Variants in VEPH1 observed in about 807,000 individuals in gnomAD.
VEPH1 encodes ventricular zone expressed PH domain containing 1, also known as ventricular zone-expressed PH domain-containing protein homolog 1.
A neutral mutation model predicts 85.2 loss-of-function variants in VEPH1; 80 were observed. That is an observed-to-expected ratio of 0.94 (90% confidence interval 0.78 to 1.13). VEPH1 has a LOEUF of 1.13. Ranked by LOEUF, VEPH1 falls within the 50% of genes most tolerant of loss-of-function variation. The pLI is 0.00. For synonymous variants in VEPH1, 297 were observed against 348.0 expected, an observed-to-expected ratio of 0.85 and a Z score of 1.63; for missense variants, 955 against 980.5, an observed-to-expected ratio of 0.97 and a Z score of 0.35.
At chr3:157,480,401 C>T (rs1001294658) in intron 2 of VEPH1, among the ~76,000 whole-genome samples, 7 of 152,052 alleles carry the variant, frequency 4.6e-5, no homozygotes, top group African/African-American at 1.2e-4. Context: ...TATGCTGTCA[C>T]CCAGCTAGTG....
intron 2 of VEPH1, among the ~76,000 whole-genome samples, chr3:157,471,440 G>C (rs1044815942): frequency 1.3e-5 from 2 of 152,142 alleles, no homozygotes; most frequent in African/African-American, 4.8e-5. Context: ...CTCAAAATAG[G>C]TACTGTTGAA....
intron 5 of VEPH1, among the ~76,000 whole-genome samples, chr3:157,422,710 A>C (rs540359275): frequency 2.8e-4 from 43 of 152,234 alleles, no homozygotes; most frequent in Non-Finnish European, 4.9e-4. Context: ...TCTGGAATAC[A>C]TTCCCCATCT....
intron 12 of VEPH1, chr3:157,286,264 A>T: frequency 3.1e-6 from 1 of 321,478 alleles, no homozygotes; most frequent in East Asian, 7.0e-5. Flanking sequence ...TTTCTCTCTA[A>T]CCCTCAGGGT....
chr3:157,486,025 A>G (rs73013618), intron 2 of VEPH1, among the ~76,000 whole-genome samples: 249 of 152,330 alleles, frequency 1.6e-3, no homozygotes, highest in African/African-American at 5.7e-3. Flanking sequence ...AATGTAAAAC[A>G]TATCTGTTAG....
Position 157,452,754 on chromosome 3 carries a change from A to G in VEPH1, c.529+7427T>C, listed in dbSNP as rs943573955. On this transcript the variant is annotated intron_variant, in intron 4 of 13. Coordinates refer to ENST00000362010, the MANE Select transcript of VEPH1 (RefSeq NM_001167912.2). The stretch of plus-strand genomic sequence containing the variant: ...ATTACACTGTGAAAGTAGACTTTAC[A>G]GTGAAATGGTCAGGGTTTGAATCTT... Among the ~76,000 whole-genome samples the G allele has an allele frequency of 3.3e-5, 5 of 152,364 alleles. No individual in the cohort carries two copies. The South Asian group carries it at 1.0e-3, about 32-fold the overall frequency.
intron 11 of VEPH1, among the ~76,000 whole-genome samples, chr3:157,296,778 A>T (rs1468644668): frequency 6.6e-6 from 1 of 152,230 alleles, no homozygotes; most frequent in Non-Finnish European, 1.5e-5. Context: ...TTGGAGTCAG[A>T]AGATCAGAGT....
At chr3:157,502,872 T>A (rs1740226096) in intron 1 of VEPH1, among the ~76,000 whole-genome samples, 1 of 152,244 alleles carries the variant, frequency 6.6e-6, no homozygotes, top group African/African-American at 2.4e-5. Flanking sequence ...AATATTTAAT[T>A]TTCTTTGAAA....
intron 9 of VEPH1, among the ~76,000 whole-genome samples, chr3:157,318,598 C>T (rs1385056359): frequency 6.9e-6 from 1 of 145,814 alleles, no homozygotes; most frequent in South Asian, 2.2e-4. Context: ...CAGAGAAATA[C>T]TCCGTCCCAA....
chr3:157,421,917 T>A (rs191912872), intron 5 of VEPH1, among the ~76,000 whole-genome samples: 1 of 152,232 alleles, frequency 6.6e-6, no homozygotes, highest in East Asian at 1.9e-4. Context: ...CTCTTTGTTC[T>A]GGGATCCACA....
chr3:157,438,334 C>T (rs1733837917), intron 4 of VEPH1, among the ~76,000 whole-genome samples: 1 of 152,058 alleles, frequency 6.6e-6, no homozygotes, highest in Non-Finnish European at 1.5e-5. Context: ...TAATTTTATC[C>T]TGCCTCTGTC....
At chr3:157,358,492 A>C (rs1725686618) in intron 9 of VEPH1, among the ~76,000 whole-genome samples, 1 of 152,188 alleles carries the variant, frequency 6.6e-6, no homozygotes, top group African/African-American at 2.4e-5. Context: ...TCCTAATCCC[A>C]TGATTAAACT....
At chr3:157,338,215 TA>T (rs1723151714) in intron 9 of VEPH1, among the ~76,000 whole-genome samples, 1 of 152,328 alleles carries the variant, frequency 6.6e-6, no homozygotes, top group East Asian at 1.9e-4. Context: ...AAGAAAGTCA[TA>T]TTTTTTTGGA....
intron 13 of VEPH1, among the ~76,000 whole-genome samples, chr3:157,262,906 C>A (rs534508136): frequency 6.6e-6 from 1 of 152,068 alleles, no homozygotes; most frequent in Non-Finnish European, 1.5e-5. Flanking sequence ...AATTGCATTT[C>A]TTTGAAGTAG....
intron 11 of VEPH1, among the ~76,000 whole-genome samples, chr3:157,290,124 C>T (rs1272825451): frequency 3.3e-5 from 5 of 151,716 alleles, no homozygotes; most frequent in Non-Finnish European, 5.9e-5. Flanking sequence ...TCCTGCTGTG[C>T]TTGAAGGAAC....
intron 4 of VEPH1, among the ~76,000 whole-genome samples, chr3:157,445,292 C>T (rs1017865837): frequency 2.6e-5 from 4 of 152,146 alleles, no homozygotes; most frequent in African/African-American, 9.7e-5. Flanking sequence ...TGGTTGATCA[C>T]TCAATCTAAT....
At chr3:157,440,740 C>T (rs183860570) in intron 4 of VEPH1, among the ~76,000 whole-genome samples, 37 of 152,048 alleles carry the variant, frequency 2.4e-4, no homozygotes, top group Admixed American at 1.1e-3. Context: ...CCCAGGGACA[C>T]GTAAAAGGTT....
At chr3:157,394,121 T>C (rs981162993) in intron 6 of VEPH1, among the ~76,000 whole-genome samples, 21 of 152,242 alleles carry the variant, frequency 1.4e-4, no homozygotes, top group Non-Finnish European at 2.6e-4. Flanking sequence ...GAGGCTTTCT[T>C]ACTGCATGCA....
intron 4 of VEPH1, chr3:157,443,241 T>A (rs574613931): frequency 2.7e-6 from 1 of 367,124 alleles, no homozygotes; most frequent in African/African-American, 2.0e-5. Flanking sequence ...TCAGATAAAC[T>A]CTCAAATAAT....
At chr3:157,473,015 A>G (rs1471965642) in intron 2 of VEPH1, among the ~76,000 whole-genome samples, 1 of 151,798 alleles carries the variant, frequency 6.6e-6, no homozygotes, top group African/African-American at 2.4e-5. Context: ...GTTGTTAACA[A>G]AATATTTTTT....
Sources: gnomAD v4.1 joint callset for allele counts (sites outside exome capture counted in the v4.1 genomes callset) on GRCh38, gnomAD v4.1.1 for gene constraint, MANE v1.5 for transcripts, NCBI Gene and HGNC (gene_info 2026-07-23, HGNC 2026-07-21) for gene names.